EVI5: variants seen among roughly 807,000 people sequenced by gnomAD.
EVI5 encodes the protein ecotropic viral integration site 5.
EVI5 carries 73 observed loss-of-function variants against 112.0 expected under a neutral mutation model. The observed-to-expected ratio is 0.65, with a 90% CI of 0.54 to 0.79. The LOEUF (loss-of-function observed/expected upper bound fraction) is 0.79, where lower values mean the gene tolerates loss of function less well. Ranked by LOEUF, EVI5 falls within the 30% of genes least tolerant of loss-of-function variation. The pLI, the probability that EVI5 is intolerant of heterozygous loss-of-function variation, is 0.00. For missense variants in EVI5, 900 were observed against 968.8 expected (o/e 0.93, Z 0.94); for synonymous variants, 305 against 319.9 (o/e 0.95, Z 0.50).
At chr1:92,514,046 T>TTGC in intron 19 of EVI5, 76 bp from the exon 20 acceptor site, 2 of 896,664 alleles carry the variant, frequency 2.2e-6, no homozygotes, top group Non-Finnish European at 3.4e-6. Context: ...CATTCCATGT[T>TTGC]TAAGGAAGAA....
intron 16 of EVI5, among the ~76,000 whole-genome samples, chr1:92,608,332 G>C (rs1189563637): frequency 6.6e-6 from 1 of 151,998 alleles, no homozygotes; most frequent in African/African-American, 2.4e-5. Context: ...ATTGGCAATG[G>C]GAGTACAAAA....
chr1:92,550,064 A>G (rs1435542963), intron 19 of EVI5, among the ~76,000 whole-genome samples: 2 of 152,162 alleles, frequency 1.3e-5, no homozygotes, highest in Admixed American at 6.5e-5. Flanking sequence ...TTACTGCAGC[A>G]CTATTCACAA....
At chr1:92,537,065 A>G in intron 19 of EVI5, among the ~76,000 whole-genome samples, 1 of 152,190 alleles carries the variant, frequency 6.6e-6, no homozygotes. Flanking sequence ...CTGAGATTCA[A>G]AAGAATAAGA....
intron 19 of EVI5, among the ~76,000 whole-genome samples, chr1:92,520,936 A>G (rs140422487): frequency 6.4e-4 from 96 of 149,484 alleles, no homozygotes; most frequent in Non-Finnish European, 1.1e-3. Context: ...TTGGCCTGCA[A>G]AAAGCACGTA....
At chr1:92,692,893 T>A (rs1170003414) in intron 9 of EVI5, among the ~76,000 whole-genome samples, 1 of 152,216 alleles carries the variant, frequency 6.6e-6, no homozygotes, top group Non-Finnish European at 1.5e-5. Context: ...AAATGCTAAC[T>A]ATGACCGCAG....
At chr1:92,776,107 C>CAA (rs1011239382) in intron 1 of EVI5, among the ~76,000 whole-genome samples, 36 of 68,442 alleles carry the variant, frequency 5.3e-4, no homozygotes, top group African/African-American at 1.6e-3. Flanking sequence ...GACTCCATCT[C>CAA]AAAAAAAAAA....
chr1:92,592,306 G>C (rs1454781237), intron 18 of EVI5, among the ~76,000 whole-genome samples: 1 of 152,184 alleles, frequency 6.6e-6, no homozygotes, highest in Non-Finnish European at 1.5e-5. Context: ...TGAACAACCT[G>C]CTCCTGAATG....
intron 18 of EVI5, among the ~76,000 whole-genome samples, chr1:92,591,745 T>C (rs1312772859): frequency 6.6e-6 from 1 of 152,198 alleles, no homozygotes; most frequent in Non-Finnish European, 1.5e-5. Flanking sequence ...AACTCAGCTC[T>C]GCACCAAGTG....
intron 13 of EVI5, among the ~76,000 whole-genome samples, chr1:92,652,210 T>C (rs930706797): frequency 3.3e-5 from 5 of 152,228 alleles, no homozygotes; most frequent in African/African-American, 4.8e-5. Flanking sequence ...ATGATGGACT[T>C]TGAAAACATC....
At chr1:92,632,979 C>G (rs1363373069) in intron 14 of EVI5, among the ~76,000 whole-genome samples, 1 of 152,104 alleles carries the variant, frequency 6.6e-6, no homozygotes, top group South Asian at 2.1e-4. Flanking sequence ...TGCAGTTGAT[C>G]GGTTTTGAGT....
chr1:92,653,935 T>A (rs1185443137), intron 13 of EVI5, among the ~76,000 whole-genome samples: 2 of 152,014 alleles, frequency 1.3e-5, no homozygotes, highest in Non-Finnish European at 2.9e-5. Flanking sequence ...GAGATTACAT[T>A]CCTGCCTGCC....
rs183854416 is a variant in EVI5, at chr1:92,513,903, T to C, written c.2234A>G (p.Asn745Ser). The C allele has an allele frequency of 3.5e-5, 56 of 1,607,422 alleles. No homozygotes were observed. Among genetic ancestry groups the C allele is most frequent in the African/African-American group, 2.8e-4 (21 of 74,844 alleles). Residue 745 changes from asparagine (N) to serine (S), a missense_variant, in exon 20 of 20, where the codon AAC (asparagine) becomes AGC (serine). Physicochemically the swap from Asn to Ser is conservative, Grantham distance 46. Transcript: ENST00000684568. ...QPPFDGIHIVNHLIGDDESFH... is the reference protein window; with the variant it reads ...QPPFDGIHIVSHLIGDDESFH... Reference sequence around the variant, plus strand: ...TGATTCATCATCTCCTATTAAATGGTTGACAATGTGGATTCCATCAAAAGG... The same window carrying C: ...TGATTCATCATCTCCTATTAAATGGCTGACAATGTGGATTCCATCAAAAGG...
intron 18 of EVI5, among the ~76,000 whole-genome samples, chr1:92,570,311 T>C (rs894919652): frequency 3.3e-5 from 5 of 152,052 alleles, no homozygotes; most frequent in Non-Finnish European, 7.4e-5. Flanking sequence ...TTTTTTTTTT[T>C]TTGGCGGGAG....
At chr1:92,696,031 A>C (rs966257606) in intron 6 of EVI5, among the ~76,000 whole-genome samples, 1 of 151,922 alleles carries the variant, frequency 6.6e-6, no homozygotes, top group Non-Finnish European at 1.5e-5. Flanking sequence ...CCCAAGCTCA[A>C]GCAATCCTCC....
At chr1:92,755,492 A>T (rs1465770962) in intron 1 of EVI5, among the ~76,000 whole-genome samples, 1 of 152,232 alleles carries the variant, frequency 6.6e-6, no homozygotes, top group Non-Finnish European at 1.5e-5. Context: ...TTTTAAAGAC[A>T]TTATTGCTGA....
intron 2 of EVI5, among the ~76,000 whole-genome samples, chr1:92,735,043 C>T (rs1488172572): frequency 2.6e-5 from 4 of 152,148 alleles, no homozygotes; most frequent in African/African-American, 9.7e-5. Flanking sequence ...ATCAAAAATA[C>T]AGGCCCTTTG....
chr1:92,639,288 A>G (rs903866198), intron 13 of EVI5, among the ~76,000 whole-genome samples: 4 of 152,164 alleles, frequency 2.6e-5, no homozygotes, highest in African/African-American at 7.2e-5. Flanking sequence ...AGTCCTCAGT[A>G]ATCCTTTTTG....
At chr1:92,545,269 T>C in intron 19 of EVI5, among the ~76,000 whole-genome samples, 1 of 152,010 alleles carries the variant, frequency 6.6e-6, no homozygotes, top group East Asian at 1.9e-4. Flanking sequence ...AGAGACAGGG[T>C]CTTGCTTTGT....
chr1:92,776,644 T>C lies in EVI5; in HGVS notation c.-82+8192A>G, dbSNP rs555087415. 3.8e-4 allele frequency among the ~76,000 whole-genome samples: 58 copies of C among 151,774 alleles called. 1 individual carries two copies. The highest frequency in any genetic ancestry group is 1.2e-4 in the Non-Finnish European group (8 of 67,848). On this transcript the variant is annotated intron_variant, in intron 1 of 19. Transcript: ENST00000684568. ...GATAACACCATCATGACTTTTTTTT[T>C]TTTTTTTGAGATGGAGTTTCACTCA...
Sources: gnomAD v4.1 joint callset for allele counts (sites outside exome capture counted in the v4.1 genomes callset) on GRCh38, gnomAD v4.1.1 for gene constraint, MANE v1.5 for transcripts, NCBI Gene and HGNC (gene_info 2026-07-23, HGNC 2026-07-21) for gene names.